Variants in MRTFA observed in about 807,000 individuals in gnomAD.
MRTFA encodes the protein myocardin related transcription factor A, also known as myocardin-related transcription factor A.
In MRTFA, 20 loss-of-function variants were observed where a neutral mutation model predicts 83.5. The observed-to-expected ratio is 0.24, with a 90% confidence interval of 0.17 to 0.35. The LOEUF (loss-of-function observed/expected upper bound fraction) is 0.35, where lower values mean the gene tolerates loss of function less well. MRTFA is among the 10% of genes least tolerant of loss of function. The pLI is 1.00. For synonymous variants in MRTFA, 659 were observed against 541.2 expected (o/e 1.22, Z -3.02); for missense variants, 1,200 against 1,224.7 (o/e 0.98, Z 0.30).
At chr22:40,419,484 G>A (rs962759868) in intron 11 of MRTFA, 100 bp from the exon 12 acceptor site, 2 of 1,049,732 alleles carry the variant, frequency 1.9e-6, no homozygotes, top group East Asian at 2.4e-5. Context: ...CACTGCAGAT[G>A]CATCAACTAC....
rs80327178 is a variant in MRTFA at position 40,416,222 on chromosome 22, C to T, written c.2578+764G>A. Among the ~76,000 whole-genome samples the T allele has an allele frequency of 2.6e-5, 4 of 152,336 alleles. No homozygotes were observed. The South Asian group carries it at 6.2e-4, about 24-fold the overall frequency. On this transcript the variant is annotated intron_variant, in intron 14 of 14. Transcript: ENST00000355630. The surrounding 1 kb of genome is among the most constrained non-coding windows in gnomAD (Gnocchi z 4.2). ...CTTGGCTGTTCCTTCCCTCTCCCCCCACTTCATCCATAAAGACACCAACCT... is the reference window on the plus strand; with the variant it reads ...CTTGGCTGTTCCTTCCCTCTCCCCCTACTTCATCCATAAAGACACCAACCT...
Position 40,435,494 on chromosome 22 carries a change from C to T in MRTFA, c.363+5G>A. The T allele has an allele frequency of 6.2e-7, 1 of 1,614,186 alleles. No homozygotes were observed. The highest frequency in any genetic ancestry group is 1.3e-5 in the African/African-American group (1 of 75,046). The stretch of plus-strand genomic sequence containing the variant: ...GAGTTCTGAGGGGGAAAAAAGGTAC[C>T]TTACCCTGGCCCGCTCCAAGCTCCT... On this transcript the variant is annotated splice_donor_5th_base_variant and intron_variant, in intron 5 of 14. Transcript: ENST00000355630.
intron 4 of MRTFA, among the ~76,000 whole-genome samples, chr22:40,443,994 G>T (rs137992629): frequency 6.6e-6 from 1 of 152,148 alleles, no homozygotes; most frequent in South Asian, 2.1e-4. Flanking sequence ...CTCTCGCCCC[G>T]AATGAGAAGT....
At chr22:40,557,799 T>C (rs2055549355) in intron 2 of MRTFA, among the ~76,000 whole-genome samples, 1 of 152,180 alleles carries the variant, frequency 6.6e-6, no homozygotes, top group Non-Finnish European at 1.5e-5. Flanking sequence ...CTTATATTAC[T>C]GAGCTTGAAA....
At chr22:40,473,561 T>C (rs2053948588) in intron 3 of MRTFA, among the ~76,000 whole-genome samples, 1 of 152,190 alleles carries the variant, frequency 6.6e-6, no homozygotes, top group Non-Finnish European at 1.5e-5. Flanking sequence ...TGGTATATTT[T>C]TTCTCTAATT....
intron 4 of MRTFA, among the ~76,000 whole-genome samples, chr22:40,450,073 G>C (rs1254981286): frequency 2.6e-5 from 4 of 152,204 alleles, no homozygotes; most frequent in Non-Finnish European, 5.9e-5. Context: ...TGTAAGGGTT[G>C]ACACTAGCAT....
intron 2 of MRTFA, among the ~76,000 whole-genome samples, chr22:40,559,578 T>G (rs2055583505): frequency 6.6e-6 from 1 of 151,882 alleles, no homozygotes; most frequent in Non-Finnish European, 1.5e-5. Flanking sequence ...GACTATTTTT[T>G]CACTTTTTTG....
intron 4 of MRTFA, among the ~76,000 whole-genome samples, chr22:40,461,667 T>C (rs185258633): frequency 0.017 from 2,543 of 146,250 alleles, 63 homozygotes; most frequent in African/African-American, 0.061. Flanking sequence ...GGCGCTGTGG[T>C]GGGCACCTGT....
At chr22:40,411,933 G>A (rs766227093) in intron 14 of MRTFA, 26 bp from the exon 15 acceptor site, 1 of 1,456,782 alleles carries the variant, frequency 6.9e-7, no homozygotes, top group South Asian at 1.6e-5. Context: ...GAGAGTAAAT[G>A]GATATCAGAA....
chr22:40,618,080 G>GTT (rs66504883), intron 1 of MRTFA, among the ~76,000 whole-genome samples: 3,298 of 141,660 alleles, frequency 0.023, 126 homozygotes, highest in African/African-American at 0.078. Context: ...GTTGTTTTTT[G>GTT]TTTTTTTTTT....
intron 1 of MRTFA, among the ~76,000 whole-genome samples, chr22:40,612,805 G>C (rs1226235821): frequency 6.6e-6 from 1 of 152,150 alleles, no homozygotes; most frequent in Non-Finnish European, 1.5e-5. Context: ...TTAAAACTTA[G>C]CTGGGTATAG....
chr22:40,443,785 C>A (rs558682283), intron 4 of MRTFA, among the ~76,000 whole-genome samples: 4 of 152,202 alleles, frequency 2.6e-5, no homozygotes, highest in African/African-American at 9.6e-5. Flanking sequence ...CAGAAAGGGC[C>A]AAGTAGGAAG....
Position 40,420,833 on chromosome 22 carries a change from G to A in MRTFA, c.1181+14C>T, listed in dbSNP as rs761626354. On this transcript the variant is annotated intron_variant, in intron 10 of 14. Transcript: ENST00000355630. ...GGGGAGGGCAGGGGCAGGCAGTGAG[G>A]AGCGGGTGCCTACTTTGGCGGGGCA... 2 of 1,612,888 alleles carry A rather than the reference G, an allele frequency of 1.2e-6. No homozygotes were observed. Among genetic ancestry groups the A allele is most frequent in the Admixed American group, 3.3e-5 (2 of 60,012 alleles).
intron 7 of MRTFA, among the ~76,000 whole-genome samples, chr22:40,425,504 A>G (rs748512384): frequency 5.9e-5 from 9 of 152,232 alleles, no homozygotes; most frequent in Non-Finnish European, 8.8e-5. Context: ...CTTGCCCTCC[A>G]GGGCCAGGGC....
chr22:40,628,366 G>T (rs1203785337), intron 1 of MRTFA, among the ~76,000 whole-genome samples: 1 of 152,052 alleles, frequency 6.6e-6, no homozygotes, highest in African/African-American at 2.4e-5. Flanking sequence ...TCAGAACTTT[G>T]TTTGAATTAT....
intron 3 of MRTFA, among the ~76,000 whole-genome samples, chr22:40,466,674 G>C (rs936776995): frequency 2.8e-4 from 43 of 152,292 alleles, no homozygotes; most frequent in African/African-American, 1.0e-3. Flanking sequence ...ATGCAATTCA[G>C]TAAGTCTGAA....
chr22:40,541,435 A>C (rs1463393930), intron 3 of MRTFA, among the ~76,000 whole-genome samples: 2 of 152,130 alleles, frequency 1.3e-5, no homozygotes, highest in Admixed American at 6.5e-5. Context: ...GGCTCCAACC[A>C]CTTAAGACTT....
At chr22:40,420,672 G>T in intron 10 of MRTFA, 96 bp from the exon 11 acceptor site, 1 of 1,550,772 alleles carries the variant, frequency 6.4e-7, no homozygotes, top group Non-Finnish European at 8.7e-7. Flanking sequence ...GGTACAGATG[G>T]GCATGGGGCA....
intron 4 of MRTFA, among the ~76,000 whole-genome samples, chr22:40,457,542 CAG>C (rs971151647): frequency 1.3e-5 from 2 of 151,668 alleles, no homozygotes; most frequent in Non-Finnish European, 2.9e-5. Flanking sequence ...CAACTTCAGA[CAG>C]AGAGAGACCG....
Sources: allele counts gnomAD v4.1 joint callset (sites outside exome capture counted in the v4.1 genomes callset), GRCh38; gene constraint gnomAD v4.1.1; non-coding constraint Gnocchi (gnomAD v3.1); transcripts MANE v1.5; gene names NCBI Gene and HGNC (gene_info 2026-07-23, HGNC 2026-07-21).